SLC5A10: variants seen among roughly 807,000 people sequenced by gnomAD.
SLC5A10 encodes the protein solute carrier family 5 member 10, also known as sodium/mannose cotransporter SLC5A10.
SLC5A10 carries 55 observed loss-of-function variants against 68.9 expected under a neutral mutation model. That is an observed-to-expected ratio of 0.80 (90% CI 0.64 to 1.00). The LOEUF (loss-of-function observed/expected upper bound fraction) is 1.00. Ranked by LOEUF, SLC5A10 falls within the 50% of genes least tolerant of loss-of-function variation. The pLI, the probability that SLC5A10 is intolerant of heterozygous loss-of-function variation, is 0.00. For missense variants in SLC5A10, 732 were observed against 819.3 expected (o/e 0.89, Z 1.30); for synonymous variants, 344 against 344.8 (o/e 1.00, Z 0.02).
At chr17:19,012,411 G>A (rs957087842) in intron 9 of SLC5A10, among the ~76,000 whole-genome samples, 13 of 152,252 alleles carry the variant, frequency 8.5e-5, no homozygotes, top group African/African-American at 2.9e-4. Context: ...CAGATGAGCC[G>A]TGTGTACCAC....
chr17:18,996,894 T>C lies in SLC5A10; in HGVS notation c.983-16516T>C, dbSNP rs1466892629. On this transcript the variant is annotated intron_variant, in intron 9 of 14. Transcript: ENST00000395645. The surrounding 1 kb of genome is among the most constrained non-coding windows in gnomAD (Gnocchi z 4.4). ...CTGACCATCAGCACTGTCTGGAAGG[T>C]TAATGCCTGGGCCTCCCTGGCTCTG... Among the ~76,000 whole-genome samples the C allele has an allele frequency of 6.6e-6, 1 of 152,196 alleles. No homozygotes were observed. The highest frequency in any genetic ancestry group is 1.5e-5 in the Non-Finnish European group (1 of 68,032).
chr17:19,005,111 G>T (rs959873999), intron 9 of SLC5A10, among the ~76,000 whole-genome samples: 87 of 152,294 alleles, frequency 5.7e-4, no homozygotes, highest in African/African-American at 1.5e-3. Context: ...CGGGAAGTCC[G>T]TGCGGCTGTA....
Position 19,020,365 on chromosome 17 carries a change from T to C in SLC5A10, c.1725T>C (p.Arg575=). ...QTPQKHAFWA[R]VCGFNAILLM... is the part of the protein sequence containing the mutation. ...CCCAGAAACACGCCTTCTGGGCCCG[T>C]GTCTGTGGCTTCAATGCCATCCTCC... The change falls in exon 15 of 15, where the codon CGT becomes CGC. Residue 575 remains arginine, a synonymous_variant. Transcript: ENST00000395645. 1 of 1,614,144 alleles carries C rather than the reference T, an allele frequency of 6.2e-7. No individual in the cohort carries two copies. Among genetic ancestry groups the C allele is most frequent in the Non-Finnish European group, 8.5e-7 (1 of 1,180,034 alleles).
chr17:18,973,671 A>C (rs1291717176), intron 8 of SLC5A10, among the ~76,000 whole-genome samples: 1 of 152,064 alleles, frequency 6.6e-6, no homozygotes, highest in African/African-American at 2.4e-5. Context: ...GAAGGGAGGT[A>C]GCAGTTCTGT....
At chr17:18,959,724 T>C in intron 4 of SLC5A10, 61 bp downstream of exon 4, 1 of 1,525,796 alleles carries the variant, frequency 6.6e-7, no homozygotes, top group Non-Finnish European at 9.1e-7. Context: ...TTGGTGGTAG[T>C]AATGGGCAGG....
In SLC5A10 at chr17:18,977,651, C is replaced by T. The variant is rs374398726; in HGVS notation, c.982+662C>T. On this transcript the variant is annotated intron_variant, in intron 9 of 14. Coordinates refer to ENST00000395645, the MANE Select transcript of SLC5A10 (RefSeq NM_001042450.4). ...CAACGCATCTGCTTCTTCTCTTCCCCGACTCTGGGCCCATGGGGAGCCACC... is the reference window on the plus strand; with the variant it reads ...CAACGCATCTGCTTCTTCTCTTCCCTGACTCTGGGCCCATGGGGAGCCACC... The T allele has an allele frequency of 3.4e-5, 54 of 1,609,842 alleles. No homozygotes were observed. Among genetic ancestry groups the T allele is most frequent in the South Asian group, 6.6e-5 (6 of 91,074 alleles).
In SLC5A10 at chr17:19,021,226, C is replaced by T. The variant is rs2044260824; in HGVS notation, c.*795C>T. ...TGGGCAGAACCTGGGCCTAAACAAA[C>T]AAGAGCCAGGGCAGCCAGGGTCTCT... On this transcript the variant is annotated 3_prime_UTR_variant, in exon 15 of 15. Coordinates refer to ENST00000395645, the MANE Select transcript of SLC5A10 (RefSeq NM_001042450.4). The surrounding 1 kb of genome is among the most constrained non-coding windows in gnomAD (Gnocchi z 4.1). 1 of 152,308 alleles carries T rather than the reference C, an allele frequency of 6.6e-6. No homozygotes were observed. Among genetic ancestry groups the T allele is most frequent in the Admixed American group, 6.5e-5 (1 of 15,290 alleles). The allele number at this position is 152,308 out of a possible 1,614,324, so 9.4% of individuals were successfully genotyped here. A position where few individuals can be genotyped will look rare whatever the true frequency, so the allele number is the denominator to read the frequency against.
At position 19,014,302 on chromosome 17, in the gene SLC5A10, C is replaced by T. The variant is rs1260276277; in HGVS notation, c.1091-747C>T. ...GAGTGGGCAGTTGAGCATCCTTCCA[C>T]CTTCCTTAGGGCTCCTCACCCTCAG... On this transcript the variant is annotated intron_variant, in intron 10 of 14. Transcript: ENST00000395645. Among the ~76,000 whole-genome samples, 9 of 152,312 alleles carry T rather than the reference C, an allele frequency of 5.9e-5. No homozygotes were observed. In the East Asian group the frequency reaches 1.7e-3, roughly 29 times the overall value.
rs917874249 is a variant in SLC5A10 at position 18,952,205 on chromosome 17, C to G, written c.-1C>G. 1 of 1,611,992 alleles carries G rather than the reference C, an allele frequency of 6.2e-7. No individual in the cohort carries two copies. The highest frequency in any genetic ancestry group is 1.1e-5 in the South Asian group (1 of 90,750). ...TACCTAGTGCCTGCGGCAGGACAGC[C>G]ATGGCCGCCAACTCCACCAGCGACC... is the stretch of plus-strand genomic sequence containing the variant. On this transcript the variant is annotated 5_prime_UTR_variant, in exon 1 of 15. Transcript: ENST00000395645.
At position 19,004,093 on chromosome 17, in the gene SLC5A10, TC is replaced by T; in HGVS notation, c.983-9315del. 2.0e-6 allele frequency: 3 copies of T among 1,520,316 alleles called. No individual in the cohort carries two copies. The highest frequency in any genetic ancestry group is 2.6e-6 in the Non-Finnish European group (3 of 1,134,304). The allele number at this position is 1,520,316 out of a possible 1,614,324, so 94.2% of individuals were successfully genotyped here. ...CGGGGGTGGGTGGGCAAGGTCCAGC[TC>T]CTAGCTCCGGCCCAGCTGGGGCACC... is the stretch of plus-strand genomic sequence containing the variant. On this transcript the variant is annotated intron_variant, in intron 9 of 14. Coordinates refer to ENST00000395645, the MANE Select transcript of SLC5A10 (RefSeq NM_001042450.4). The surrounding 1 kb of genome is among the most constrained non-coding windows in gnomAD (Gnocchi z 5.4).
intron 8 of SLC5A10, among the ~76,000 whole-genome samples, chr17:18,974,611 T>C (rs552538604): frequency 1.6e-4 from 25 of 152,330 alleles, no homozygotes; most frequent in African/African-American, 5.8e-4. Context: ...ACCACAGCTT[T>C]CGTGGGCAGC....
In SLC5A10 at chr17:18,959,252, G is replaced by A. The variant is rs753214605; in HGVS notation, c.288+13G>A. On this transcript the variant is annotated intron_variant, in intron 3 of 14. Transcript: ENST00000395645. The stretch of plus-strand genomic sequence containing the variant: ...CTTCGAGTGGAATGTGAGTCCTGGA[G>A]GACTGGCGGCCTGTGGGAGGGCCAG... 1.1e-5 allele frequency: 18 copies of A among 1,612,062 alleles called. No homozygotes were observed. The African/African-American group carries it at 2.3e-4, about 20-fold the overall frequency.
At chr17:18,976,572 G>T (rs765198039) in intron 8 of SLC5A10, 2 of 403,364 alleles carry the variant, frequency 5.0e-6, no homozygotes, top group Non-Finnish European at 8.9e-6. Context: ...ATTGCCAGGG[G>T]TGGTGGGCTG....
Position 18,953,431 on chromosome 17 carries a change from C to T in SLC5A10, c.111+1115C>T, listed in dbSNP as rs1212660272. ...ACAGGCGTGAGCCACCGCGCCCGGC[C>T]GAGTACCCGTTCTTATCTTCCATAA... is the stretch of plus-strand genomic sequence containing the variant. On this transcript the variant is annotated intron_variant, in intron 1 of 14. Transcript: ENST00000395645. 7 of 152,618 alleles carry T rather than the reference C, an allele frequency of 4.6e-5. No individual in the cohort carries two copies. In the South Asian group the frequency reaches 8.3e-4, roughly 18 times the overall value. 9.5% of individuals were successfully genotyped at this position (152,618 alleles called of 1,614,324 possible). A position where few individuals can be genotyped will look rare whatever the true frequency, so the allele number is the denominator to read the frequency against.
intron 5 of SLC5A10, among the ~76,000 whole-genome samples, chr17:18,963,815 T>C (rs1183848361): frequency 6.6e-6 from 1 of 152,204 alleles, no homozygotes; most frequent in African/African-American, 2.4e-5. Context: ...GCTCCATCAT[T>C]GTGGGGCTCT....
intron 1 of SLC5A10, among the ~76,000 whole-genome samples, chr17:18,955,715 C>T (rs189277752): frequency 2.0e-5 from 3 of 152,330 alleles, no homozygotes; most frequent in East Asian, 1.9e-4. Flanking sequence ...AGCAAGATCA[C>T]GGCACACAAA....
intron 1 of SLC5A10, among the ~76,000 whole-genome samples, chr17:18,953,041 T>A (rs534347193): frequency 3.5e-4 from 53 of 152,012 alleles, no homozygotes; most frequent in African/African-American, 1.2e-3. Flanking sequence ...CGCCTGGGGA[T>A]GTTGGGCTCC....
intron 9 of SLC5A10, among the ~76,000 whole-genome samples, chr17:18,998,695 C>G (rs903312564): frequency 1.3e-5 from 2 of 152,318 alleles, no homozygotes; most frequent in East Asian, 1.9e-4. Flanking sequence ...GGGAAGGGAG[C>G]CTTTGGAGCG....
intron 9 of SLC5A10, chr17:18,979,801 T>A: frequency 1.9e-6 from 2 of 1,067,680 alleles, no homozygotes; most frequent in African/African-American, 1.6e-5. Flanking sequence ...AAAGAGGCTG[T>A]AAGGCCTGGA....
Sources: allele counts gnomAD v4.1 joint callset (sites outside exome capture counted in the v4.1 genomes callset), GRCh38; gene constraint gnomAD v4.1.1; non-coding constraint Gnocchi (gnomAD v3.1); transcripts MANE v1.5; gene names NCBI Gene and HGNC (gene_info 2026-07-23, HGNC 2026-07-21).